MALAT1: variants seen among roughly 807,000 people sequenced by gnomAD.
MALAT1 encodes hepcarcin.
intron 3 of MALAT1, chr11:65,505,523 A>T (rs777478766): frequency 1.7e-5 from 9 of 515,786 alleles, no homozygotes; most frequent in African/African-American, 1.5e-4. Flanking sequence ...AAGCCTGTTA[A>T]AAGCAAGGTC....
chr11:65,500,703 G>T (rs575253490), exon 3 of MALAT1: 3 of 519,026 alleles, frequency 5.8e-6, no homozygotes, highest in East Asian at 5.4e-5. Context: ...CAGGCGTTGT[G>T]CGTAGAGGAT....
chr11:65,506,197 T>C (rs775903580), intron 3 of MALAT1: 7 of 448,460 alleles, frequency 1.6e-5, no homozygotes, highest in Admixed American at 2.8e-5. Context: ...CTAATCTGTC[T>C]TCAGGACTCT....
At chr11:65,501,997 C>T (rs1294218090) in exon 3 of MALAT1, 1 of 513,298 alleles carries the variant, frequency 1.9e-6, no homozygotes, top group Admixed American at 2.0e-5. Flanking sequence ...TATCAACTTC[C>T]AAGTTGGCAA....
intron 3 of MALAT1, chr11:65,506,253 T>C: frequency 2.2e-6 from 1 of 456,436 alleles, no homozygotes; most frequent in Admixed American, 2.8e-5. Context: ...CTTGGAGTTT[T>C]GGGGAGGTGG....
chr11:65,499,022 AC>A (rs755349482), exon 3 of MALAT1: 3 of 518,712 alleles, frequency 5.8e-6, no homozygotes, highest in Non-Finnish European at 1.2e-5. Context: ...GTCTATAAAT[AC>A]GCCTCGCCCG....
exon 3 of MALAT1, chr11:65,499,749 A>G (rs1449834955): frequency 6.9e-6 from 3 of 432,830 alleles, no homozygotes; most frequent in East Asian, 7.1e-5. Flanking sequence ...TTTAGAAGAA[A>G]AAAGATAAAT....
chr11:65,500,206 A>C (rs774358227), exon 3 of MALAT1: 1 of 513,058 alleles, frequency 1.9e-6, no homozygotes, highest in South Asian at 1.4e-5. Flanking sequence ...CTAAGGCAGA[A>C]GGCTTTTGGA....
intron 1 of MALAT1, chr11:65,497,942 C>G: frequency 1.9e-6 from 1 of 518,944 alleles, no homozygotes; most frequent in South Asian, 1.4e-5. Context: ...GTGCTGCTAT[C>G]TTAGCTGTCC....
At chr11:65,504,786 T>G (rs748829558) in intron 3 of MALAT1, 1 of 518,956 alleles carries the variant, frequency 1.9e-6, no homozygotes, top group Non-Finnish European at 3.8e-6. Flanking sequence ...TGGGTTTCTC[T>G]CTCCCCTCCC....
At chr11:65,499,546 G>A (rs1404529157) in exon 3 of MALAT1, 1 of 457,568 alleles carries the variant, frequency 2.2e-6, no homozygotes, top group Non-Finnish European at 4.4e-6. Flanking sequence ...ATGACGCAGG[G>A]AGAATTGCGT....
chr11:65,500,175 A>T, exon 3 of MALAT1: 1 of 507,266 alleles, frequency 2.0e-6, no homozygotes, highest in South Asian at 1.5e-5. Flanking sequence ...TACTAAAAGG[A>T]CTGGTGTAAT....
At chr11:65,499,807 C>CAA (rs572753706) in exon 3 of MALAT1, 1 of 416,880 alleles carries the variant, frequency 2.4e-6, no homozygotes, top group Non-Finnish European at 4.6e-6. Flanking sequence ...AGCTAGGAAA[C>CAA]AAAAAGCTAA....
At chr11:65,506,097 TAA>T (rs11367099) in intron 3 of MALAT1, 3,625 of 347,194 alleles carry the variant, frequency 0.01, 2 homozygotes, top group South Asian at 0.016. Flanking sequence ...TTTTCTAGCT[TAA>T]AAAAAAAAAA....
exon 3 of MALAT1, chr11:65,502,936 A>G (rs778104899): frequency 1.2e-4 from 61 of 494,654 alleles, no homozygotes; most frequent in Admixed American, 2.8e-4. Context: ...GAGAAATACA[A>G]TGAAGAGGCA....
chr11:65,504,360 TCTGTCTGTTC>T, intron 3 of MALAT1: 1 of 517,974 alleles, frequency 1.9e-6, no homozygotes, highest in Non-Finnish European at 3.9e-6. Flanking sequence ...TGACTTCAGG[TCTGTCTGTTC>T]TGTTGGCAAG....
intron 3 of MALAT1, chr11:65,505,944 T>A (rs1480675209): frequency 2.3e-6 from 1 of 436,362 alleles, no homozygotes; most frequent in Non-Finnish European, 4.5e-6. Flanking sequence ...CTGCTAAGAC[T>A]TTTTCAGGTG....
chr11:65,501,618 G>A (rs753010135), exon 3 of MALAT1: 1 of 518,888 alleles, frequency 1.9e-6, no homozygotes, highest in East Asian at 5.4e-5. Context: ...TGACAAACTG[G>A]GTTAGAGAAG....
At chr11:65,504,422 T>C (rs367794998) in intron 3 of MALAT1, 5 of 518,744 alleles carry the variant, frequency 9.6e-6, no homozygotes, top group Non-Finnish European at 7.7e-6. Context: ...TTAGAATGCA[T>C]TGTGAAACGA....
At chr11:65,505,370 C>G (rs772077379) in intron 3 of MALAT1, 2 of 518,346 alleles carry the variant, frequency 3.9e-6, no homozygotes, top group Non-Finnish European at 7.7e-6. Flanking sequence ...CGAAGGAATG[C>G]TTGAAGTACC....
Sources: allele counts gnomAD v4.1 joint callset, GRCh38; gene constraint gnomAD v4.1.1; transcripts MANE v1.5; gene names NCBI Gene and HGNC (gene_info 2026-07-23, HGNC 2026-07-21).